Variants in NRAP observed in about 807,000 individuals in gnomAD.
NRAP encodes nebulin-related-anchoring protein.
A neutral mutation model predicts 225.9 loss-of-function variants in NRAP; 189 were observed. The ratio of observed to expected loss-of-function variants is 0.84; its 90% CI spans 0.74 to 0.94. The LOEUF (loss-of-function observed/expected upper bound fraction) is 0.94, where lower values mean the gene tolerates loss of function less well. Among genes scored for constraint, NRAP ranks in the 40% least tolerant of loss-of-function variants. NRAP has a pLI of 0.00. For missense variants in NRAP, 2,176 were observed against 2,168.7 expected, an observed-to-expected ratio of 1.00 and a Z score of -0.07; for synonymous variants, 769 against 790.7, an observed-to-expected ratio of 0.97 and a Z score of 0.46.
At position 113,588,932 on chromosome 10, in the gene NRAP, C is replaced by A. The variant is rs1845746924; in HGVS notation, c.*43G>T. The stretch of plus-strand genomic sequence containing the variant: ...CCATCTGAAGCCTGTCTCTGGTGAA[C>A]AAACTTCCTCTCTGGCCTCTCAGGA... On this transcript the variant is annotated 3_prime_UTR_variant, in exon 42 of 42. Coordinates refer to ENST00000359988, the MANE Select transcript of NRAP (RefSeq NM_198060.4). 1 of 1,525,990 alleles carries A rather than the reference C, an allele frequency of 6.6e-7. No individual in the cohort carries two copies. The highest frequency in any genetic ancestry group is 9.1e-7 in the Non-Finnish European group (1 of 1,101,628). 94.5% of individuals were successfully genotyped at this position (1,525,990 alleles called of 1,614,324 possible).
intron 16 of NRAP, 97 bp downstream of exon 16, chr10:113,632,987 A>G (rs1235075863): frequency 3.4e-5 from 25 of 740,444 alleles, no homozygotes; most frequent in Admixed American, 1.9e-5. Flanking sequence ...AGCCTTTCTC[A>G]GGGACAGACA....
intron 25 of NRAP, among the ~76,000 whole-genome samples, chr10:113,620,127 T>C (rs952995378): frequency 6.6e-6 from 1 of 152,146 alleles, no homozygotes; most frequent in Admixed American, 6.5e-5. Context: ...AAGGTGGCTA[T>C]AAGTAGGCAG....
At chr10:113,638,013 A>G (rs1848978986) in intron 14 of NRAP, among the ~76,000 whole-genome samples, 1 of 152,176 alleles carries the variant, frequency 6.6e-6, no homozygotes, top group Non-Finnish European at 1.5e-5. Flanking sequence ...TGGGGTGTGT[A>G]GAGAAAATTA....
Position 113,662,785 on chromosome 10 carries a change from A to T in NRAP, c.168-19T>A, listed in dbSNP as rs780167337. On this transcript the variant is annotated intron_variant, in intron 2 of 41. Transcript: ENST00000359988. ...GTTATGGCTACAACAAATAGGTATA[A>T]ATCAAAATTAGAAATGTACTTTATC... The T allele has an allele frequency of 7.6e-7, 1 of 1,317,798 alleles. No homozygotes were observed. The highest frequency in any genetic ancestry group is 1.2e-5 in the South Asian group (1 of 80,650). 81.6% of individuals were successfully genotyped at this position (1,317,798 alleles called of 1,614,324 possible).
At chr10:113,622,691 C>T (rs559229056) in intron 23 of NRAP, among the ~76,000 whole-genome samples, 11 of 152,258 alleles carry the variant, frequency 7.2e-5, no homozygotes, top group Admixed American at 5.9e-4. Context: ...TGGTAGATTC[C>T]GGTTCTACTC....
chr10:113,629,786 C>T lies in NRAP; in HGVS notation c.1843-1G>A, dbSNP rs770488128. The T allele has an allele frequency of 1.3e-6, 2 of 1,599,162 alleles. No homozygotes were observed. The highest frequency in any genetic ancestry group is 1.7e-6 in the Non-Finnish European group (2 of 1,166,334). The stretch of plus-strand genomic sequence containing the variant: ...CTTCAAAGCCTTTCTTATATTCAAC[C>T]TTGAATATACCAAAACAAGGCCCGT... On this transcript the variant is annotated splice_acceptor_variant, in intron 18 of 41. Transcript: ENST00000359988. LOFTEE classifies it high-confidence loss of function.
intron 34 of NRAP, among the ~76,000 whole-genome samples, 165 bp from the exon 35 acceptor site, chr10:113,605,085 C>T (rs1484478555): frequency 3.3e-5 from 5 of 152,122 alleles, no homozygotes; most frequent in African/African-American, 7.2e-5. Flanking sequence ...ATTAAAACAT[C>T]GCTCCATTCT....
Position 113,650,166 on chromosome 10 carries a change from C to T in NRAP, c.784-25G>A, listed in dbSNP as rs144140061. The stretch of plus-strand genomic sequence containing the variant: ...CCTGTTTTAAGGCAAAGGACAAACT[C>T]GGTGAATTTGACTCCCATGCACAGG... On this transcript the variant is annotated intron_variant, in intron 8 of 41. Transcript: ENST00000359988. 1,857 of 1,473,158 alleles carry T rather than the reference C, an allele frequency of 1.3e-3. 23 individuals are homozygous for T. The African/African-American group carries it at 0.018, about 15-fold the overall frequency. 91.3% of individuals were successfully genotyped at this position (1,473,158 alleles called of 1,614,324 possible).
At chr10:113,657,148 A>AT (rs1207109940) in intron 4 of NRAP, among the ~76,000 whole-genome samples, 1 of 152,094 alleles carries the variant, frequency 6.6e-6, no homozygotes, top group African/African-American at 2.4e-5. Context: ...GCAGAAAATG[A>AT]TGTAGATCAG....
In NRAP at chr10:113,640,283, G is replaced by A. The variant is rs1284757213; in HGVS notation, c.1372C>T (p.Pro458Ser). The A allele has an allele frequency of 5.6e-6, 9 of 1,603,588 alleles. No homozygotes were observed. Among genetic ancestry groups the A allele is most frequent in the Non-Finnish European group, 7.7e-6 (9 of 1,175,466 alleles). ...YKHDIVDYNYPATLTPSYQTA... is the reference protein window; with the variant it reads ...YKHDIVDYNYSATLTPSYQTA... The stretch of plus-strand genomic sequence containing the variant: ...TGATAGGAAGGCGTGAGAGTGGCTG[G>A]GTAGTTGTAGTCGACAATATCATGT... Residue 458 changes from proline (P) to serine (S), a missense_variant, in exon 14 of 42, where the codon CCA becomes TCA. By Grantham distance (74) the Pro-to-Ser change is moderately conservative (BLOSUM62 -1). This residue lies in a region of NRAP where 1,708 missense variants were observed against 1,695.5 expected (regional missense o/e 1.01). Transcript: ENST00000359988.
In NRAP at chr10:113,652,929, A is replaced by C. The variant is rs746609567; in HGVS notation, c.570+6T>G. The C allele has an allele frequency of 6.9e-6, 11 of 1,602,164 alleles. 1 individual carries two copies. The highest frequency in any genetic ancestry group is 3.3e-4 in the Middle Eastern group (2 of 6,064). ...ATCAATGGTGAAAAAGCACCCAGGC[A>C]CTCACTTGGCTGGCCAGCTGGTTGG... On this transcript the variant is annotated splice_donor_region_variant and intron_variant, in intron 6 of 41. Coordinates refer to ENST00000359988, the MANE Select transcript of NRAP (RefSeq NM_198060.4).
chr10:113,623,730 A>G, intron 22 of NRAP, 94 bp from the exon 23 acceptor site: 1 of 791,900 alleles, frequency 1.3e-6, no homozygotes, highest in South Asian at 1.7e-5. Flanking sequence ...GATTCTAGGA[A>G]AGCAATACTG....
rs1849895702 is a variant in NRAP, at chr10:113,650,603, G to T, written c.676-58C>A. The T allele has an allele frequency of 4.3e-6, 5 of 1,155,942 alleles. No homozygotes were observed. The African/African-American group carries it at 7.5e-5, about 17-fold the overall frequency. The allele number at this position is 1,155,942 out of a possible 1,614,324, so 71.6% of individuals were successfully genotyped here. ...CATGTTTATCAGATGATCTTAGTGA[G>T]ATGCTCTGCTAAGGGTTCCATGACA... On this transcript the variant is annotated intron_variant, in intron 7 of 41. Coordinates refer to ENST00000359988, the MANE Select transcript of NRAP (RefSeq NM_198060.4).
rs1847421551 is a variant in NRAP at position 113,612,929 on chromosome 10, G to T, written c.3301-498C>A. Among the ~76,000 whole-genome samples the T allele has an allele frequency of 1.3e-5, 2 of 152,162 alleles. 1 individual carries two copies. Among genetic ancestry groups the T allele is most frequent in the South Asian group, 4.1e-4 (2 of 4,824 alleles). On this transcript the variant is annotated intron_variant, in intron 29 of 41. Transcript: ENST00000359988. The stretch of plus-strand genomic sequence containing the variant: ...AGGAGCAGTGGGGAGGATGCTTGGA[G>T]AGTCAAGCCTCAGGGATAGGCATTC...
chr10:113,620,660 C>T lies in NRAP; in HGVS notation c.2818G>A (p.Ala940Thr), dbSNP rs138050139. 2.2e-3 allele frequency: 3,554 copies of T among 1,613,240 alleles called. 5 individuals are homozygous for T. Among genetic ancestry groups the T allele is most frequent in the Non-Finnish European group, 2.8e-3 (3,322 of 1,179,728 alleles). Residue 940 changes from alanine (A) to threonine (T), a missense_variant, in exon 25 of 42, where the codon GCC becomes ACC. Coordinates refer to ENST00000359988, the MANE Select transcript of NRAP (RefSeq NM_198060.4). ...TGCTCCACATTTAATGACCCGGTGG[C>T]GACCCAGCCCATGCCTTTCATCCAC... Reference protein sequence around the residue: ...VKWMKGMGWVATGSLNVEQAK... With the variant: ...VKWMKGMGWVTTGSLNVEQAK...
intron 35 of NRAP, among the ~76,000 whole-genome samples, chr10:113,600,789 C>G (rs1319239773): frequency 1.3e-5 from 2 of 152,162 alleles, no homozygotes; most frequent in Admixed American, 6.5e-5. Context: ...ATCGCCGCAT[C>G]CTGTAAAGAG....
In NRAP at chr10:113,624,844, A is replaced by T. The variant is rs1364282855; in HGVS notation, c.2331T>A (p.Asn777Lys). ...DEPLFLQARA[N>K]AANLSEKLYK... The stretch of plus-strand genomic sequence containing the variant: ...TCTGTACCTCGCTGAGATTTGCAGC[A>T]TTGGCTCGGGCCTGCAGGAAGAGAG... The change falls in exon 22 of 42, where the codon AAT becomes AAA. Residue 777 changes from asparagine (N) to lysine (K), a missense_variant. Physicochemically the swap from Asn to Lys is moderately conservative, Grantham distance 94. Around this residue, in one of 3 missense-constraint regions of NRAP, gnomAD observed 1,708 missense variants for 1,695.5 expected, o/e 1.01. Coordinates refer to ENST00000359988, the MANE Select transcript of NRAP (RefSeq NM_198060.4). 6 of 1,613,846 alleles carry T rather than the reference A, an allele frequency of 3.7e-6. No homozygotes were observed. The highest frequency in any genetic ancestry group is 3.4e-6 in the Non-Finnish European group (4 of 1,179,838).
Position 113,645,880 on chromosome 10 carries a change from G to GC in NRAP, c.1054dup (p.Ala352GlyfsTer19). On this transcript the variant is annotated frameshift_variant, in exon 11 of 42. Coordinates refer to ENST00000359988, the MANE Select transcript of NRAP (RefSeq NM_198060.4). LOFTEE classifies it high-confidence loss of function. ...CTGTTTGAGAACCAAGTTGTCTTGA[G>GC]CTGGAAGCGAGTGATAATGTGCAGC... is the stretch of plus-strand genomic sequence containing the variant. 1 of 1,611,264 alleles carries GC rather than the reference G, an allele frequency of 6.2e-7. No homozygotes were observed. Among genetic ancestry groups the GC allele is most frequent in the Middle Eastern group, 1.7e-4 (1 of 6,054 alleles).
Position 113,589,656 on chromosome 10 carries a change from T to G in NRAP, c.5088+10A>C, listed in dbSNP as rs1289705276. The G allele has an allele frequency of 3.1e-6, 5 of 1,611,110 alleles. No homozygotes were observed. In the South Asian group the frequency reaches 3.3e-5, roughly 11 times the overall value. On this transcript the variant is annotated intron_variant, in intron 41 of 41. Coordinates refer to ENST00000359988, the MANE Select transcript of NRAP (RefSeq NM_198060.4). Reference sequence around the variant, plus strand: ...GCAAGCCAGGGGTGGCTTTGCAGCTTGCTACTCACGTAAGCTCCCTGGAGA... The same window carrying G: ...GCAAGCCAGGGGTGGCTTTGCAGCTGGCTACTCACGTAAGCTCCCTGGAGA...
Sources: gnomAD v4.1 joint callset for allele counts (sites outside exome capture counted in the v4.1 genomes callset) on GRCh38, gnomAD v4.1.1 for gene constraint, gnomAD v4.1.1 regional missense constraint, MANE v1.5 for transcripts, NCBI Gene and HGNC (gene_info 2026-07-23, HGNC 2026-07-21) for gene names.